CD1B: variants seen among roughly 807,000 people sequenced by gnomAD.
CD1B encodes the protein T-cell surface glycoprotein CD1b.
CD1B carries 43 observed loss-of-function variants against 39.8 expected under a neutral mutation model. The observed-to-expected ratio is 1.08, with a 90% CI of 0.85 to 1.39. The LOEUF is 1.39. CD1B is among the 40% of genes most tolerant of loss of function. CD1B has a pLI of 0.00. For missense variants in CD1B, 495 were observed against 403.8 expected (o/e 1.23, Z -1.94); for synonymous variants, 192 against 152.5 (o/e 1.26, Z -1.91).
the CD1B span, among the ~76,000 whole-genome samples, chr1:158,299,258 A>C: frequency 6.6e-6 from 1 of 152,220 alleles, no homozygotes; most frequent in Non-Finnish European, 1.5e-5. Flanking sequence ...CCTTTTCTGC[A>C]TCTATTGAGA....
At chr1:158,293,524 G>C in the CD1B span, 3 of 1,613,958 alleles carry the variant, frequency 1.9e-6, no homozygotes, top group South Asian at 1.1e-5. Flanking sequence ...CAGCAACCCA[G>C]GAGCCTAGTA....
the CD1B span, among the ~76,000 whole-genome samples, chr1:158,298,216 C>A: frequency 1.3e-5 from 2 of 152,078 alleles, no homozygotes; most frequent in Non-Finnish European, 2.9e-5. Context: ...TATATATGCA[C>A]CCAACACAGG....
chr1:158,304,404 C>G, the CD1B span, among the ~76,000 whole-genome samples: 1 of 152,130 alleles, frequency 6.6e-6, no homozygotes, highest in African/African-American at 2.4e-5. Flanking sequence ...GGGGCGCCCA[C>G]CATTGCCTAG....
chr1:158,293,767 T>A, the CD1B span: 4 of 589,546 alleles, frequency 6.8e-6, no homozygotes, highest in Non-Finnish European at 8.9e-6. Flanking sequence ...ATGCAACACT[T>A]CCTACCCTGT....
In CD1B at chr1:158,330,854, G is replaced by A; in HGVS notation, c.270C>T (p.Val90=). ...CTTCTCGAGCGAATCCAAAGATGTA[G>A]ACTCGGAATATCTCCTCTAACTCAG... The part of the protein sequence containing the change: ...EVAELEEIFR[V]YIFGFAREVQ... Residue 90 remains valine, a synonymous_variant, in exon 2 of 6, where the codon GTC becomes GTT. Coordinates refer to ENST00000368168, the MANE Select transcript of CD1B (RefSeq NM_001764.3). 6.2e-7 allele frequency: 1 copy of A among 1,614,094 alleles called. No homozygotes were observed. The highest frequency in any genetic ancestry group is 8.5e-7 in the Non-Finnish European group (1 of 1,179,956).
At chr1:158,287,802 G>C in the CD1B span, among the ~76,000 whole-genome samples, 3 of 152,198 alleles carry the variant, frequency 2.0e-5, no homozygotes, top group Admixed American at 6.5e-5. Flanking sequence ...ACACAATGAA[G>C]TTTATTTCTC....
chr1:158,293,102 A>G, the CD1B span: 4 of 966,768 alleles, frequency 4.1e-6, no homozygotes, highest in South Asian at 3.1e-5. Flanking sequence ...CTGAAATAGG[A>G]TAACTGATGC....
chr1:158,300,552 G>C, the CD1B span, among the ~76,000 whole-genome samples: 1 of 152,022 alleles, frequency 6.6e-6, no homozygotes, highest in African/African-American at 2.4e-5. Context: ...CTTCTGTCTT[G>C]TTGATCTGCC....
At chr1:158,309,047 C>T in the CD1B span, among the ~76,000 whole-genome samples, 5 of 152,270 alleles carry the variant, frequency 3.3e-5, no homozygotes, top group African/African-American at 1.2e-4. Context: ...AACAGGCAAC[C>T]TACAGAATGG....
chr1:158,328,907 C>T lies in CD1B; in HGVS notation c.980+14G>A, dbSNP rs1275394730. The T allele has an allele frequency of 1.3e-6, 2 of 1,550,010 alleles. No individual in the cohort carries two copies. The highest frequency in any genetic ancestry group is 2.3e-5 in the East Asian group (1 of 43,390). Reference sequence around the variant, plus strand: ...GACATATTAAAAAAAAAAACAACACCACCCACAACTCACCGGCGCCTCATA... The same window carrying T: ...GACATATTAAAAAAAAAAACAACACTACCCACAACTCACCGGCGCCTCATA... On this transcript the variant is annotated intron_variant, in intron 5 of 5. Coordinates refer to ENST00000368168, the MANE Select transcript of CD1B (RefSeq NM_001764.3).
the CD1B span, among the ~76,000 whole-genome samples, chr1:158,309,781 T>G: frequency 1.6e-5 from 2 of 127,496 alleles, no homozygotes; most frequent in African/African-American, 6.1e-5. Context: ...AATTGAACAA[T>G]GAGAACACAT....
At chr1:158,299,507 A>G in the CD1B span, among the ~76,000 whole-genome samples, 1 of 152,190 alleles carries the variant, frequency 6.6e-6, no homozygotes, top group Non-Finnish European at 1.5e-5. Context: ...TCAAAAAATG[A>G]GTAAGGGAGG....
At chr1:158,300,957 A>G in the CD1B span, among the ~76,000 whole-genome samples, 1 of 151,466 alleles carries the variant, frequency 6.6e-6, no homozygotes, top group East Asian at 1.9e-4. Context: ...ATGGGGTTTC[A>G]CCATATTAGC....
the CD1B span, among the ~76,000 whole-genome samples, chr1:158,309,363 A>G: frequency 6.6e-6 from 1 of 152,186 alleles, no homozygotes; most frequent in Non-Finnish European, 1.5e-5. Context: ...AGAAATAGGA[A>G]CACTTTTACA....
the CD1B span, among the ~76,000 whole-genome samples, chr1:158,299,470 A>G: frequency 6.7e-6 from 1 of 149,998 alleles, no homozygotes; most frequent in Middle Eastern, 3.4e-3. Context: ...TTGGTCTAAA[A>G]CTCTCAGCAT....
At chr1:158,306,956 T>G in the CD1B span, among the ~76,000 whole-genome samples, 1 of 152,142 alleles carries the variant, frequency 6.6e-6, no homozygotes, top group Admixed American at 6.5e-5. Flanking sequence ...TTTATAGCAC[T>G]AAATGCCCAC....
the CD1B span, among the ~76,000 whole-genome samples, chr1:158,313,476 A>C: frequency 6.6e-6 from 1 of 152,004 alleles, no homozygotes; most frequent in South Asian, 2.1e-4. Context: ...ATTTTTGGCT[A>C]ATATTTGTAC....
chr1:158,318,759 T>C, the CD1B span, among the ~76,000 whole-genome samples: 6 of 152,138 alleles, frequency 3.9e-5, no homozygotes, highest in South Asian at 4.1e-4. Flanking sequence ...TTCCTAGTCT[T>C]GATGGTCTTT....
the CD1B span, among the ~76,000 whole-genome samples, chr1:158,319,421 C>T: frequency 6.6e-6 from 1 of 152,276 alleles, no homozygotes; most frequent in East Asian, 1.9e-4. Context: ...ATTTCATCTT[C>T]CATCAATGAT....
Sources: allele counts gnomAD v4.1 joint callset (sites outside exome capture counted in the v4.1 genomes callset), GRCh38; gene constraint gnomAD v4.1.1; transcripts MANE v1.5; gene names NCBI Gene and HGNC (gene_info 2026-07-23, HGNC 2026-07-21).